CEP63: variants seen among roughly 807,000 people sequenced by gnomAD.
The protein encoded by CEP63 is centrosomal protein 63.
In CEP63, 84 loss-of-function variants were observed where a neutral mutation model predicts 89.1. The ratio of observed to expected loss-of-function variants is 0.94; its 90% CI spans 0.79 to 1.13. The LOEUF (loss-of-function observed/expected upper bound fraction) is 1.13, where lower values mean the gene tolerates loss of function less well. Ranked by LOEUF, CEP63 falls within the 50% of genes most tolerant of loss-of-function variation. The pLI, the probability that CEP63 is intolerant of heterozygous loss-of-function variation, is 0.00. For synonymous variants in CEP63, 267 were observed against 272.5 expected (o/e 0.98, Z 0.20); for missense variants, 838 against 813.3 (o/e 1.03, Z -0.37).
At chr3:134,641,256 T>G in the CEP63 span, 3 of 152,228 alleles carry the variant, frequency 2.0e-5, no homozygotes, top group African/African-American at 7.2e-5. Context: ...TTTAGAGATA[T>G]CCATGCCAGA....
chr3:134,555,447 A>G (rs1180519370), intron 12 of CEP63, among the ~76,000 whole-genome samples: 3 of 150,454 alleles, frequency 2.0e-5, no homozygotes, highest in Non-Finnish European at 4.5e-5. Flanking sequence ...AAATCAATGT[A>G]CAAAAATCAC....
At chr3:134,592,863 G>T in the CEP63 span, among the ~76,000 whole-genome samples, 1 of 151,724 alleles carries the variant, frequency 6.6e-6, no homozygotes, top group Non-Finnish European at 1.5e-5. Flanking sequence ...TGCTCTTTTG[G>T]CTCCCTTCCG....
At chr3:134,657,848 A>C in the CEP63 span, among the ~76,000 whole-genome samples, 2 of 152,210 alleles carry the variant, frequency 1.3e-5, no homozygotes, top group Non-Finnish European at 2.9e-5. Context: ...TTGGTACATC[A>C]ACCTTTGCCA....
intron 3 of CEP63, among the ~76,000 whole-genome samples, chr3:134,523,150 C>T (rs1181428615): frequency 5.9e-5 from 9 of 152,118 alleles, no homozygotes; most frequent in Admixed American, 5.9e-4. Context: ...CTCTTAAGAT[C>T]AATGATGTTG....
At chr3:134,523,887 C>A (rs1948056384) in intron 3 of CEP63, among the ~76,000 whole-genome samples, 1 of 152,010 alleles carries the variant, frequency 6.6e-6, no homozygotes, top group African/African-American at 2.4e-5. Context: ...TTTTTGGTTC[C>A]ATATGAATTT....
chr3:134,771,840 TA>T, the CEP63 span, among the ~76,000 whole-genome samples: 1 of 151,774 alleles, frequency 6.6e-6, no homozygotes, highest in African/African-American at 2.4e-5. Flanking sequence ...AAATGTAAAA[TA>T]AAAAAAAGAA....
the CEP63 span, among the ~76,000 whole-genome samples, chr3:134,762,148 G>A: frequency 1.3e-5 from 2 of 152,072 alleles, no homozygotes; most frequent in Non-Finnish European, 2.9e-5. Context: ...TGATTAATAT[G>A]GCCATGAAGA....
intron 3 of CEP63, among the ~76,000 whole-genome samples, chr3:134,524,891 C>A (rs972131503): frequency 6.6e-6 from 1 of 152,122 alleles, no homozygotes; most frequent in Non-Finnish European, 1.5e-5. Flanking sequence ...TGATGCACAA[C>A]CCATAGAATG....
the CEP63 span, among the ~76,000 whole-genome samples, chr3:134,652,446 C>G: frequency 1.3e-5 from 2 of 150,136 alleles, no homozygotes; most frequent in Non-Finnish European, 3.0e-5. Flanking sequence ...TTACCAGCGC[C>G]CCCCCCCACC....
rs1231214008 is a variant in CEP63, at chr3:134,581,679, A to ATT, written c.1207-5766_1207-5765dup. 1.2e-4 allele frequency among the ~76,000 whole-genome samples: 15 copies of ATT among 124,158 alleles called. 4 individuals carry two copies. Among genetic ancestry groups the ATT allele is most frequent in the Admixed American group, 1.7e-4 (2 of 11,430 alleles). 81.5% of individuals were successfully genotyped at this position (124,158 alleles called of 152,430 possible). On this transcript the variant is annotated intron_variant, in intron 10 of 10. Transcript: ENST00000683931. Reference sequence around the variant, plus strand: ...CTCAATACACATTCATGATGAAAACATTTTTTTTTTTTTTGAGACGGAGTC... The same window carrying ATT: ...CTCAATACACATTCATGATGAAAACATTTTTTTTTTTTTTTTGAGACGGAGTC...
At chr3:134,557,376 GTTTTTTTTTTTTTTT>G (rs199930556) in intron 12 of CEP63, among the ~76,000 whole-genome samples, 4 of 101,500 alleles carry the variant, frequency 3.9e-5, no homozygotes, top group African/African-American at 1.5e-4. Context: ...TTCATAATTT[GTTTTTTTTTTTTTTT>G]TTTTTTTTTT....
chr3:134,694,474 A>T, the CEP63 span, among the ~76,000 whole-genome samples: 1 of 151,780 alleles, frequency 6.6e-6, no homozygotes, highest in Non-Finnish European at 1.5e-5. Context: ...GCTCATCTTC[A>T]CTCTTCTTCA....
At chr3:134,608,713 G>A in the CEP63 span, 1 of 1,613,924 alleles carries the variant, frequency 6.2e-7, no homozygotes, top group African/African-American at 1.3e-5. Flanking sequence ...ATTCACTCTT[G>A]TGATACATGT....
chr3:134,613,056 A>G, the CEP63 span: 1 of 154,240 alleles, frequency 6.5e-6, no homozygotes, highest in Non-Finnish European at 1.5e-5. Context: ...ACTTTCTAGG[A>G]TGATGTGGAG....
chr3:134,570,095 A>C (rs1360605894), intron 11 of CEP63, among the ~76,000 whole-genome samples: 1 of 152,206 alleles, frequency 6.6e-6, no homozygotes, highest in Non-Finnish European at 1.5e-5. Flanking sequence ...CTGGCCCATG[A>C]AACCATTTTT....
At chr3:134,503,319 A>T (rs2370641) in intron 2 of CEP63, among the ~76,000 whole-genome samples, 5 of 151,254 alleles carry the variant, frequency 3.3e-5, no homozygotes, top group Non-Finnish European at 7.4e-5. Context: ...GTATTTGTGC[A>T]GTTTCCAAAG....
intron 2 of CEP63, 117 bp from the exon 3 acceptor site, chr3:134,506,992 A>G (rs1451930522): frequency 3.1e-6 from 2 of 654,838 alleles, no homozygotes; most frequent in East Asian, 2.9e-5. Context: ...ATTTACATTA[A>G]TGTCATTTAA....
At chr3:134,601,351 C>T in the CEP63 span, among the ~76,000 whole-genome samples, 5 of 152,090 alleles carry the variant, frequency 3.3e-5, no homozygotes, top group Non-Finnish European at 5.9e-5. Context: ...GGGTGGCATT[C>T]TCTGCAATGC....
chr3:134,666,676 T>C, the CEP63 span, among the ~76,000 whole-genome samples: 1 of 152,134 alleles, frequency 6.6e-6, no homozygotes. Flanking sequence ...TCGGAGGTCA[T>C]GACTCAGTCC....
Sources: allele counts gnomAD v4.1 joint callset (sites outside exome capture counted in the v4.1 genomes callset), GRCh38; gene constraint gnomAD v4.1.1; transcripts MANE v1.5; gene names NCBI Gene and HGNC (gene_info 2026-07-23, HGNC 2026-07-21).